The following TAC4 variants were observed in gnomAD, a reference collection of about 807,000 sequenced individuals.
TAC4 encodes the protein tachykinin-4.
In TAC4, 17 loss-of-function variants were observed where a neutral mutation model predicts 17.7. That is an observed-to-expected ratio of 0.96 (90% CI 0.66 to 1.44). The LOEUF (loss-of-function observed/expected upper bound fraction) is 1.44. Ranked by LOEUF, TAC4 falls within the 40% of genes most tolerant of loss-of-function variation. The probability of loss-of-function intolerance (pLI) is 0.00; values close to 1 mark genes in which losing one functional copy is unlikely to be tolerated. For missense variants in TAC4, 118 were observed against 125.6 expected (o/e 0.94, Z 0.29); for synonymous variants, 62 against 52.4 (o/e 1.18, Z -0.79).
At chr17:49,839,201 C>T (rs182266403) in intron 4 of TAC4, among the ~76,000 whole-genome samples, 61 of 152,244 alleles carry the variant, frequency 4.0e-4, no homozygotes, top group Admixed American at 1.4e-3. Flanking sequence ...TCTGCAGCTC[C>T]GGTGGAAGAG....
chr17:49,846,028 C>T (rs1567875940), intron 1 of TAC4: 2 of 277,794 alleles, frequency 7.2e-6, no homozygotes, highest in African/African-American at 2.3e-5. Flanking sequence ...CCTTCAGGTG[C>T]AAGCTGGAGA....
At chr17:49,839,983 A>AAAGG in intron 3 of TAC4, 74 bp from the exon 4 acceptor site, 1 of 1,484,988 alleles carries the variant, frequency 6.7e-7, no homozygotes, top group Non-Finnish European at 9.3e-7. Flanking sequence ...AGGGAAGGAC[A>AAAGG]AAGGACAGGG....
intron 1 of TAC4, chr17:49,846,863 A>G (rs2074544629): frequency 5.1e-6 from 5 of 986,358 alleles, no homozygotes; most frequent in Non-Finnish European, 5.4e-6. Context: ...GATGTTTGGC[A>G]CTGACTATAA....
Position 49,842,905 on chromosome 17 carries a change from A to G in TAC4, c.199+1159T>C, listed in dbSNP as rs72839120. Among the ~76,000 whole-genome samples, 506 of 152,340 alleles carry G rather than the reference A, an allele frequency of 3.3e-3. 2 individuals carry two copies. The highest frequency in any genetic ancestry group is 5.3e-3 in the Non-Finnish European group (360 of 68,026). ...CATGCTTTTTCCCACTTAACCATGT[A>G]TCTTGGAGATCTTTCCACATCTTTC... On this transcript the variant is annotated intron_variant, in intron 2 of 4. Coordinates refer to ENST00000436235, the MANE Select transcript of TAC4 (RefSeq NM_001077506.2).
At chr17:49,840,194 G>C (rs148985026) in intron 3 of TAC4, among the ~76,000 whole-genome samples, 199 of 152,324 alleles carry the variant, frequency 1.3e-3, no homozygotes, top group African/African-American at 4.6e-3. Context: ...AAACTGCTGG[G>C]AACTGGAGAT....
intron 4 of TAC4, among the ~76,000 whole-genome samples, chr17:49,839,156 T>C (rs763124840): frequency 6.6e-6 from 1 of 152,188 alleles, no homozygotes; most frequent in Non-Finnish European, 1.5e-5. Context: ...GCAGGTGTTC[T>C]TTCAGGGGTG....
chr17:49,846,502 C>G (rs1465013277), intron 1 of TAC4, among the ~76,000 whole-genome samples: 6 of 152,152 alleles, frequency 3.9e-5, no homozygotes, highest in African/African-American at 1.4e-4. Flanking sequence ...ATCTTGAACT[C>G]CTGGCCTCCA....
At chr17:49,844,265 T>C in intron 1 of TAC4, 108 bp from the exon 2 acceptor site, 1 of 994,786 alleles carries the variant, frequency 1.0e-6, no homozygotes, top group Non-Finnish European at 1.6e-6. Context: ...CAGCAGAGAC[T>C]TGCTGTGCAC....
chr17:49,843,492 C>T (rs1469051587), intron 2 of TAC4, among the ~76,000 whole-genome samples: 5 of 151,894 alleles, frequency 3.3e-5, no homozygotes, highest in African/African-American at 1.2e-4. Flanking sequence ...AGAGCCTGTG[C>T]CCCCACCCTT....
intron 1 of TAC4, among the ~76,000 whole-genome samples, chr17:49,845,688 G>T (rs1297402593): frequency 6.6e-6 from 1 of 152,190 alleles, no homozygotes; most frequent in African/African-American, 2.4e-5. Flanking sequence ...TGGATCAGAG[G>T]CTCTTTCTTC....
intron 2 of TAC4, among the ~76,000 whole-genome samples, chr17:49,842,812 C>G (rs977309202): frequency 6.6e-6 from 1 of 152,194 alleles, no homozygotes; most frequent in African/African-American, 2.4e-5. Flanking sequence ...TTTCCCCATG[C>G]ATTTGCATAT....
At chr17:49,845,065 A>G (rs576632956) in intron 1 of TAC4, among the ~76,000 whole-genome samples, 1 of 152,262 alleles carries the variant, frequency 6.6e-6, no homozygotes, top group Non-Finnish European at 1.5e-5. Context: ...ATAGATGAGG[A>G]GAGGGCAGCC....
chr17:49,839,563 T>G, intron 4 of TAC4, among the ~76,000 whole-genome samples: 1 of 152,196 alleles, frequency 6.6e-6, no homozygotes, highest in African/African-American at 2.4e-5. Flanking sequence ...TCTGGAAAAC[T>G]AGGCATCAGT....
chr17:49,848,006 G>GCAAGGCAGCATGGTGAGC lies in TAC4; in HGVS notation c.-7_11dup (p.Pro3_Cys4insTrpLeuThrMetLeuPro). 1 of 1,614,114 alleles carries GCAAGGCAGCATGGTGAGC rather than the reference G, an allele frequency of 6.2e-7. No homozygotes were observed. Among genetic ancestry groups the GCAAGGCAGCATGGTGAGC allele is most frequent in the Non-Finnish European group, 8.5e-7 (1 of 1,180,018 alleles). On this transcript the variant is annotated inframe_insertion, in exon 1 of 5. Transcript: ENST00000436235. ...GCTCCATCAGGAGAAGCAGGGCGAGGCAAGGCAGCATGGTGAGCCTGCACT... is the reference window on the plus strand; with the variant it reads ...GCTCCATCAGGAGAAGCAGGGCGAGGCAAGGCAGCATGGTGAGCCAAGGCAGCATGGTGAGCCTGCACT...
intron 1 of TAC4, chr17:49,846,058 C>A: frequency 2.5e-6 from 1 of 401,208 alleles, no homozygotes; most frequent in Non-Finnish European, 4.3e-6. Flanking sequence ...CTTATGAATT[C>A]AATAGGACTG....
chr17:49,844,225 A>C, intron 1 of TAC4, 68 bp from the exon 2 acceptor site: 2 of 1,474,700 alleles, frequency 1.4e-6, no homozygotes, highest in African/African-American at 2.8e-5. Context: ...AGCCTGGGCA[A>C]TGGCAATCTC....
intron 4 of TAC4, among the ~76,000 whole-genome samples, chr17:49,839,492 T>C (rs2074480865): frequency 6.6e-6 from 1 of 152,208 alleles, no homozygotes; most frequent in African/African-American, 2.4e-5. Flanking sequence ...GATCAATGAT[T>C]AGTGTAACGA....
At chr17:49,846,359 C>G (rs2074539755) in intron 1 of TAC4, 1 of 618,040 alleles carries the variant, frequency 1.6e-6, no homozygotes, top group African/African-American at 2.0e-5. Context: ...TCACTGCAGC[C>G]TCAACTTCCT....
chr17:49,845,536 G>A (rs1287215291), intron 1 of TAC4, among the ~76,000 whole-genome samples: 1 of 152,226 alleles, frequency 6.6e-6, no homozygotes, highest in Non-Finnish European at 1.5e-5. Context: ...ATGGGACACA[G>A]AATGCCAAAT....
Sources: gnomAD v4.1 joint callset for allele counts (sites outside exome capture counted in the v4.1 genomes callset) on GRCh38, gnomAD v4.1.1 for gene constraint, MANE v1.5 for transcripts, NCBI Gene and HGNC (gene_info 2026-07-23, HGNC 2026-07-21) for gene names.